Variants in SH3GLB2 observed in about 807,000 individuals in gnomAD.
SH3GLB2 encodes SH3 domain containing GRB2 like, endophilin B2.
In SH3GLB2, 24 loss-of-function variants were observed where a neutral mutation model predicts 48.0. The observed-to-expected ratio is 0.50, with a 90% CI of 0.36 to 0.70. SH3GLB2 has a LOEUF of 0.70. Among genes scored for constraint, SH3GLB2 ranks in the 30% least tolerant of loss-of-function variants. SH3GLB2 has a pLI of 0.00. For synonymous variants in SH3GLB2, 227 were observed against 207.6 expected (o/e 1.09, Z -0.80); for missense variants, 425 against 516.0 (o/e 0.82, Z 1.71).
chr9:129,017,164 G>C (rs552949194), intron 3 of SH3GLB2, among the ~76,000 whole-genome samples: 461 of 151,226 alleles, frequency 3.0e-3, no homozygotes, highest in Non-Finnish European at 5.3e-3. Context: ...TGGCCAGGCT[G>C]GTCTTGAACT....
At chr9:129,009,044 C>G (rs1842925861) in intron 10 of SH3GLB2, 62 bp downstream of exon 10, 1 of 1,595,312 alleles carries the variant, frequency 6.3e-7, no homozygotes, top group African/African-American at 1.3e-5. Flanking sequence ...GTGCCTGATC[C>G]CAGTGCCCAG....
At chr9:129,010,729 G>C (rs780269938) in intron 6 of SH3GLB2, 36 bp from the exon 7 acceptor site, 13 of 1,613,494 alleles carry the variant, frequency 8.1e-6, no homozygotes, top group Non-Finnish European at 1.0e-5. Context: ...CAGCAGGGGA[G>C]GGGAGAGGAG....
chr9:129,011,103 T>C lies in SH3GLB2; in HGVS notation c.625-410A>G. ...CCTCTGGCAGAGAAAGGTGGCCTCG[T>C]GCTTGAGTCACACTGGGACTCAATG... is the stretch of plus-strand genomic sequence containing the variant. On this transcript the variant is annotated intron_variant, in intron 6 of 10. Transcript: ENST00000372564. The surrounding 1 kb of genome is among the most constrained non-coding windows in gnomAD (Gnocchi z 4.5). The C allele has an allele frequency of 4.9e-6, 1 of 202,114 alleles. No homozygotes were observed. The highest frequency in any genetic ancestry group is 9.9e-6 in the Non-Finnish European group (1 of 100,728). 12.5% of individuals were successfully genotyped at this position (202,114 alleles called of 1,614,324 possible).
chr9:129,009,481 G>A, intron 9 of SH3GLB2, 135 bp from the exon 10 acceptor site: 2 of 1,549,216 alleles, frequency 1.3e-6, no homozygotes, highest in Non-Finnish European at 1.7e-6. Context: ...GCAGCACAAA[G>A]GGAAAAGCAA....
At chr9:129,019,708 CAA>C (rs1216460109) in intron 3 of SH3GLB2, among the ~76,000 whole-genome samples, 22 of 57,882 alleles carry the variant, frequency 3.8e-4, no homozygotes, top group Admixed American at 1.1e-3. Flanking sequence ...GACTCTGCCT[CAA>C]AAAAAAAAAA....
intron 1 of SH3GLB2, among the ~76,000 whole-genome samples, chr9:129,023,532 G>T (rs1843948843): frequency 6.6e-6 from 1 of 152,196 alleles, no homozygotes; most frequent in Non-Finnish European, 1.5e-5. Context: ...TGTCCTAAGG[G>T]TTTCCTCATG....
Position 129,008,457 on chromosome 9 carries a change from A to AGGCAGG in SH3GLB2, c.*221_*226dup. 2.0e-6 allele frequency: 1 copy of AGGCAGG among 498,768 alleles called. No individual in the cohort carries two copies. Among genetic ancestry groups the AGGCAGG allele is most frequent in the Non-Finnish European group, 3.7e-6 (1 of 271,622 alleles). 30.9% of individuals were successfully genotyped at this position (498,768 alleles called of 1,614,324 possible). A position where few individuals can be genotyped will look rare whatever the true frequency, so the allele number is the denominator to read the frequency against. On this transcript the variant is annotated 3_prime_UTR_variant, in exon 11 of 11. Transcript: ENST00000372564. Reference sequence around the variant, plus strand: ...TGGAGGGTGGGGTGCTCGGGGATGCAGGCAGGGGCAGGGGCTCCAGAGCCA... The same window carrying AGGCAGG: ...TGGAGGGTGGGGTGCTCGGGGATGCAGGCAGGGGCAGGGGCAGGGGCTCCAGAGCCA...
intron 2 of SH3GLB2, among the ~76,000 whole-genome samples, chr9:129,021,922 G>A (rs1309675057): frequency 6.9e-6 from 1 of 145,984 alleles, no homozygotes; most frequent in African/African-American, 2.6e-5. Context: ...TTGCACCATT[G>A]CACTCCAGAA....
chr9:129,012,726 G>A (rs1426611370), intron 5 of SH3GLB2: 2 of 534,336 alleles, frequency 3.7e-6, no homozygotes, highest in Non-Finnish European at 6.7e-6. Context: ...CACATCTCTT[G>A]CTCCTGCATC....
chr9:129,010,091 G>A lies in SH3GLB2; in HGVS notation c.738+29C>T, dbSNP rs368023089. 2.7e-5 allele frequency: 44 copies of A among 1,600,394 alleles called. No individual in the cohort carries two copies. The African/African-American group carries it at 3.9e-4, about 14-fold the overall frequency. ...ACACCTGGTGCCTGCTGAGGGTTAG[G>A]TTTAGTGAGGGTGGGCAGTGGGACT... On this transcript the variant is annotated intron_variant, in intron 8 of 10. Transcript: ENST00000372564.
chr9:129,014,059 T>G lies in SH3GLB2; in HGVS notation c.561+352A>C. On this transcript the variant is annotated intron_variant, in intron 5 of 10. Transcript: ENST00000372564. This position sits in a 1 kb window ranked among gnomAD's most constrained non-coding sequence, Gnocchi z 4.1. ...GACGTTCAAGCAGCAAGTAGTAGAG[T>G]TAGTAAGAAGGTGCCATGCCCGGGC... The G allele has an allele frequency of 1.9e-6, 1 of 519,216 alleles. No individual in the cohort carries two copies. The highest frequency in any genetic ancestry group is 3.7e-6 in the Non-Finnish European group (1 of 268,360). The allele number at this position is 519,216 out of a possible 1,614,324, so 32.2% of individuals were successfully genotyped here.
chr9:129,015,904 T>C, intron 3 of SH3GLB2: 1 of 282,542 alleles, frequency 3.5e-6, no homozygotes, highest in Non-Finnish European at 7.3e-6. Flanking sequence ...CATGGTTTGA[T>C]TCATCACATA....
rs766955492 is a variant in SH3GLB2 at position 129,014,878 on chromosome 9, C to T, written c.361G>A (p.Ala121Thr). The change falls in exon 4 of 11, where the codon GCT becomes ACT. Residue 121 changes from alanine to threonine, a missense_variant. Ala to Thr is a moderately conservative substitution (Grantham distance 58, BLOSUM62 0). Coordinates refer to ENST00000372564, the MANE Select transcript of SH3GLB2 (RefSeq NM_020145.4). This position sits in a 1 kb window ranked among gnomAD's most constrained non-coding sequence, Gnocchi z 4.1. Reference sequence around the variant, plus strand: ...TCCGCGGCTCCCAGTTGCTTTTCAGCTTCTGCCACCTTGATCAGTGTCTTC... The same window carrying T: ...TCCGCGGCTCCCAGTTGCTTTTCAGTTTCTGCCACCTTGATCAGTGTCTTC... ...YGKTLIKVAE[A>T]EKQLGAAERD... 11 of 1,613,946 alleles carry T rather than the reference C, an allele frequency of 6.8e-6. No individual in the cohort carries two copies. In the Admixed American group the frequency reaches 1.3e-4, roughly 20 times the overall value.
intron 3 of SH3GLB2, among the ~76,000 whole-genome samples, chr9:129,016,075 G>C (rs576891589): frequency 8.5e-5 from 13 of 152,238 alleles, no homozygotes; most frequent in Admixed American, 2.0e-4. Context: ...GGGCGCAGTG[G>C]CTCACGCCTG....
Position 129,014,271 on chromosome 9 carries a change from C to T in SH3GLB2, c.561+140G>A, listed in dbSNP as rs1307612450. ...TGAGGGCAGGGACAGAGAGGCTCAGCCCAGCAGCCCCCAGCCAGGCATCTC... is the reference window on the plus strand; with the variant it reads ...TGAGGGCAGGGACAGAGAGGCTCAGTCCAGCAGCCCCCAGCCAGGCATCTC... On this transcript the variant is annotated intron_variant, in intron 5 of 10. Transcript: ENST00000372564. The surrounding 1 kb of genome is among the most constrained non-coding windows in gnomAD (Gnocchi z 4.1). The T allele has an allele frequency of 1.3e-5, 10 of 785,632 alleles. No homozygotes were observed. In the South Asian group the frequency reaches 1.5e-4, roughly 12 times the overall value. 48.7% of individuals were successfully genotyped at this position (785,632 alleles called of 1,614,324 possible). A position where few individuals can be genotyped will look rare whatever the true frequency, so the allele number is the denominator to read the frequency against.
chr9:129,008,912 G>T, intron 10 of SH3GLB2, 121 bp from the exon 11 acceptor site: 3 of 1,258,458 alleles, frequency 2.4e-6, no homozygotes, highest in Non-Finnish European at 2.2e-6. Context: ...ACCTTCAGTG[G>T]CTGGCGCTCA....
intron 10 of SH3GLB2, 112 bp from the exon 11 acceptor site, chr9:129,008,903 C>A: frequency 7.8e-7 from 1 of 1,275,460 alleles, no homozygotes; most frequent in Non-Finnish European, 1.1e-6. Flanking sequence ...ATGTGCTACA[C>A]CTTCAGTGGC....
rs1360148567 is a variant in SH3GLB2 at position 129,008,513 on chromosome 9, G to T, written c.*171C>A. 2 of 593,662 alleles carry T rather than the reference G, an allele frequency of 3.4e-6. No homozygotes were observed. The highest frequency in any genetic ancestry group is 6.1e-6 in the Non-Finnish European group (2 of 326,212). The allele number at this position is 593,662 out of a possible 1,614,324, so 36.8% of individuals were successfully genotyped here. A position where few individuals can be genotyped will look rare whatever the true frequency, so the allele number is the denominator to read the frequency against. ...CAGAAGCAGGGCTGGGGGAGGGGTGGAGCCATTCAGCCTCAGGCACCCTCA... is the reference window on the plus strand; with the variant it reads ...CAGAAGCAGGGCTGGGGGAGGGGTGTAGCCATTCAGCCTCAGGCACCCTCA... On this transcript the variant is annotated 3_prime_UTR_variant, in exon 11 of 11. Transcript: ENST00000372564.
chr9:129,008,872 C>G, intron 10 of SH3GLB2, 81 bp from the exon 11 acceptor site: 1 of 1,402,018 alleles, frequency 7.1e-7, no homozygotes, highest in Non-Finnish European at 1.0e-6. Context: ...ACAGAGCTGC[C>G]ACCTCCCCAT....
Sources: gnomAD v4.1 joint callset for allele counts (sites outside exome capture counted in the v4.1 genomes callset) on GRCh38, gnomAD v4.1.1 for gene constraint, Gnocchi (gnomAD v3.1) non-coding constraint, MANE v1.5 for transcripts, NCBI Gene and HGNC (gene_info 2026-07-23, HGNC 2026-07-21) for gene names.